RETREG3: variants seen among roughly 807,000 people sequenced by gnomAD.
RETREG3 encodes reticulophagy regulator family member 3.
A neutral mutation model predicts 50.2 loss-of-function variants in RETREG3; 23 were observed. That is an observed-to-expected ratio of 0.46 (90% CI 0.33 to 0.65). RETREG3 has a LOEUF of 0.65. Ranked by LOEUF, RETREG3 falls within the 30% of genes least tolerant of loss-of-function variation. RETREG3 has a pLI of 0.02. For missense variants in RETREG3, 546 were observed against 598.0 expected (o/e 0.91, Z 0.91); for synonymous variants, 240 against 234.4 (o/e 1.02, Z -0.22).
chr17:42,590,182 C>A (rs1369290542), intron 2 of RETREG3, among the ~76,000 whole-genome samples: 1 of 151,074 alleles, frequency 6.6e-6, no homozygotes, highest in Non-Finnish European at 1.5e-5. Context: ...CCAGCCTGAG[C>A]AACAAAGTGA....
rs1317036060 is a variant in RETREG3, at chr17:42,582,723, G to A, written c.894C>T (p.Gly298=). The change falls in exon 8 of 9, where the codon GGC becomes GGT. Residue 298 remains glycine, a synonymous_variant. Coordinates refer to ENST00000309428, the MANE Select transcript of RETREG3 (RefSeq NM_178126.4). ...SDAEVSCTDN[G]TFNLSRGQTP... ...TTTGGCCCCTTGAAAGATTGAATGT[G>A]CCATTGTCTGTACAGGAGACTTCAG... is the stretch of plus-strand genomic sequence containing the variant. 10 of 1,614,120 alleles carry A rather than the reference G, an allele frequency of 6.2e-6. No individual in the cohort carries two copies. Among genetic ancestry groups the A allele is most frequent in the East Asian group, 2.2e-5 (1 of 44,902 alleles).
At chr17:42,607,829 G>C (rs1156985010) in intron 1 of RETREG3, among the ~76,000 whole-genome samples, 1 of 151,286 alleles carries the variant, frequency 6.6e-6, no homozygotes, top group Non-Finnish European at 1.5e-5. Flanking sequence ...AAGGGAAAAA[G>C]CACTACCAAA....
In RETREG3 at chr17:42,586,912, A is replaced by T. The variant is rs780684428; in HGVS notation, c.378-21T>A. Reference sequence around the variant, plus strand: ...CCCAGCTATGGGAGAGAGAAGGGGGAGCTGTGAAAGGAGGGTGTTGAGGGT... The same window carrying T: ...CCCAGCTATGGGAGAGAGAAGGGGGTGCTGTGAAAGGAGGGTGTTGAGGGT... On this transcript the variant is annotated intron_variant, in intron 3 of 8. Coordinates refer to ENST00000309428, the MANE Select transcript of RETREG3 (RefSeq NM_178126.4). The T allele has an allele frequency of 6.2e-6, 10 of 1,610,878 alleles. No individual in the cohort carries two copies. The African/African-American group carries it at 1.2e-4, about 19-fold the overall frequency.
At chr17:42,600,912 G>A (rs1339678789) in intron 1 of RETREG3, among the ~76,000 whole-genome samples, 2 of 152,168 alleles carry the variant, frequency 1.3e-5, no homozygotes, top group Non-Finnish European at 2.9e-5. Flanking sequence ...AGGAGTTCCA[G>A]GGTACAGTGA....
chr17:42,596,359 CAAAAAAAAAAAAAAAAAAAAAAAAAAAA>C (rs60457978), intron 1 of RETREG3, among the ~76,000 whole-genome samples: 2 of 64,728 alleles, frequency 3.1e-5, no homozygotes, highest in Non-Finnish European at 5.3e-5. Context: ...GACCCTTTCT[CAAAAAAAAAAAAAAAAAAAAAAAAAAAA>C]AAAAAAAAAA....
At chr17:42,584,712 G>A (rs761449783) in intron 6 of RETREG3, among the ~76,000 whole-genome samples, 2 of 151,586 alleles carry the variant, frequency 1.3e-5, no homozygotes, top group Non-Finnish European at 2.9e-5. Context: ...AGGGTTTGGC[G>A]GGGCTGAGTA....
At chr17:42,609,375 A>G (rs761996132), upstream of RETREG3, 1 of 1,548,202 alleles carries the variant, frequency 6.5e-7, no homozygotes, top group South Asian at 1.2e-5. Flanking sequence ...AAGTCACAAT[A>G]ACAGCAACTG....
At chr17:42,586,475 T>C (rs1407876375) in intron 4 of RETREG3, 4 of 417,986 alleles carry the variant, frequency 9.6e-6, no homozygotes, top group Non-Finnish European at 1.7e-5. Flanking sequence ...CACAACAACC[T>C]ATCACATATT....
At chr17:42,596,798 T>C (rs1165794726) in intron 1 of RETREG3, among the ~76,000 whole-genome samples, 2 of 152,138 alleles carry the variant, frequency 1.3e-5, no homozygotes, top group Non-Finnish European at 2.9e-5. Flanking sequence ...TTAATATTAA[T>C]TACCTGGTTA....
intron 7 of RETREG3, among the ~76,000 whole-genome samples, chr17:42,583,007 C>A (rs2093113264): frequency 6.6e-6 from 1 of 151,510 alleles, no homozygotes; most frequent in African/African-American, 2.4e-5. Flanking sequence ...GTAACAACAA[C>A]AAAAAAAATC....
At chr17:42,605,234 T>TA (rs1168689181) in intron 1 of RETREG3, 1 of 132,264 alleles carries the variant, frequency 7.6e-6, no homozygotes, top group Non-Finnish European at 1.6e-5. Context: ...CACTGAAAAT[T>TA]AAGAGCTACC....
chr17:42,597,603 A>G (rs374289400), intron 1 of RETREG3, among the ~76,000 whole-genome samples: 2,651 of 13,976 alleles, frequency 0.19, 126 homozygotes, highest in Non-Finnish European at 0.21. Flanking sequence ...ATATATATAT[A>G]TATATATATA....
intron 1 of RETREG3, among the ~76,000 whole-genome samples, chr17:42,592,991 T>C (rs973800802): frequency 6.6e-5 from 10 of 151,602 alleles, no homozygotes; most frequent in Non-Finnish European, 2.9e-5. Flanking sequence ...TGTCTCAAAA[T>C]AAATAAATAA....
rs2093108640 is a variant in RETREG3 at position 42,581,543 on chromosome 17, T to G, written c.*270A>C. ...AGGGGAACCAATATCCCTGACTATT[T>G]TGTTCCCCCAAAGTACCATCCTGAT... On this transcript the variant is annotated 3_prime_UTR_variant, in exon 9 of 9. Coordinates refer to ENST00000309428, the MANE Select transcript of RETREG3 (RefSeq NM_178126.4). 5.0e-6 allele frequency: 2 copies of G among 397,656 alleles called. No individual in the cohort carries two copies. The highest frequency in any genetic ancestry group is 8.4e-5 in the Admixed American group (2 of 23,926). The allele number at this position is 397,656 out of a possible 1,614,324, so 24.6% of individuals were successfully genotyped here.
rs1567925288 is a variant in RETREG3, at chr17:42,597,579, GTGTATATATATATATATATATATA to G, written c.240-5441_240-5418del. 3.2e-3 allele frequency among the ~76,000 whole-genome samples: 21 copies of G among 6,580 alleles called. 1 individual carries two copies. The highest frequency in any genetic ancestry group is 0.017 in the African/African-American group (21 of 1,234). 4.3% of individuals were successfully genotyped at this position (6,580 alleles called of 152,430 possible). On this transcript the variant is annotated intron_variant, in intron 1 of 8. Transcript: ENST00000309428. The stretch of plus-strand genomic sequence containing the variant: ...ATTTTTGTGTATATATATATTTTGT[GTGTATATATATATATATATATATA>G]TATATATATATATATATTTTTTTTT...
intron 6 of RETREG3, among the ~76,000 whole-genome samples, chr17:42,584,335 G>T (rs2093116585): frequency 6.6e-6 from 1 of 152,158 alleles, no homozygotes; most frequent in Non-Finnish European, 1.5e-5. Flanking sequence ...CTCTTTGAAG[G>T]CCAGGCCTCC....
At chr17:42,594,897 T>C (rs1189343099) in intron 1 of RETREG3, among the ~76,000 whole-genome samples, 6 of 151,588 alleles carry the variant, frequency 4.0e-5, no homozygotes, top group Non-Finnish European at 8.8e-5. Context: ...TACATTTGAA[T>C]ATACATACAT....
Position 42,609,245 on chromosome 17 carries a change from C to G in RETREG3, c.80G>C (p.Gly27Ala). The change falls in exon 1 of 9, where the codon GGC (glycine) becomes GCC (alanine). Residue 27 changes from glycine (G) to alanine (A), a missense_variant. Physicochemically the swap from Gly to Ala is moderately conservative, Grantham distance 60. Transcript: ENST00000309428. ...STFRGRRDVS[G>A]SWERDQQVEA... The stretch of plus-strand genomic sequence containing the variant: ...AACCTGCTGGTCCCGCTCCCAGGAG[C>G]CTGACACATCTCGGCGGCCCCTGAA... 1 of 1,607,680 alleles carries G rather than the reference C, an allele frequency of 6.2e-7. No homozygotes were observed. Among genetic ancestry groups the G allele is most frequent in the Non-Finnish European group, 8.5e-7 (1 of 1,179,844 alleles).
chr17:42,586,460 A>T, intron 4 of RETREG3: 1 of 418,606 alleles, frequency 2.4e-6, no homozygotes. Flanking sequence ...CAAAACCCAA[A>T]AAAACACAAC....
Sources: gnomAD v4.1 joint callset for allele counts (sites outside exome capture counted in the v4.1 genomes callset) on GRCh38, gnomAD v4.1.1 for gene constraint, MANE v1.5 for transcripts, NCBI Gene and HGNC (gene_info 2026-07-23, HGNC 2026-07-21) for gene names.